The following ENTHD1 variants were observed in gnomAD, a reference collection of about 807,000 sequenced individuals.
ENTHD1 encodes the protein ENTH domain-containing protein 1.
In ENTHD1, 23 loss-of-function variants were observed where a neutral mutation model predicts 39.1. That is an observed-to-expected ratio of 0.59 (90% CI 0.42 to 0.83). The LOEUF is 0.83. Among genes scored for constraint, ENTHD1 ranks in the 40% least tolerant of loss-of-function variants. The pLI, the probability that ENTHD1 is intolerant of heterozygous loss-of-function variation, is 0.00. For missense variants in ENTHD1, 624 were observed against 705.4 expected (o/e 0.88, Z 1.31); for synonymous variants, 230 against 258.2 (o/e 0.89, Z 1.05).
rs35796089 is a variant in ENTHD1 at position 39,872,850 on chromosome 22, CT to C, written c.350-10844del. Among the ~76,000 whole-genome samples the C allele has an allele frequency of 7.8e-3, 1,097 of 139,846 alleles. 7 individuals are homozygous for C. Among genetic ancestry groups the C allele is most frequent in the African/African-American group, 0.015 (584 of 38,194 alleles). 91.7% of individuals were successfully genotyped at this position (139,846 alleles called of 152,430 possible). A position where few individuals can be genotyped will look rare whatever the true frequency, so the allele number is the denominator to read the frequency against. On this transcript the variant is annotated intron_variant, in intron 2 of 6. Transcript: ENST00000325157. ...ATGAATGCTACTTCTAGTAAAATCA[CT>C]TTTTTTTTTTTTTTTAGAGACAGGG...
chr22:39,888,260 C>CTTTTTTT (rs61092462), intron 1 of ENTHD1, among the ~76,000 whole-genome samples: 8 of 110,600 alleles, frequency 7.2e-5, no homozygotes, highest in African/African-American at 7.8e-5. Context: ...TTCTTTCTTT[C>CTTTTTTT]TTTTTTTTTT....
chr22:39,773,391 A>G (rs2065342884), intron 5 of ENTHD1, among the ~76,000 whole-genome samples: 1 of 152,182 alleles, frequency 6.6e-6, no homozygotes, highest in Non-Finnish European at 1.5e-5. Context: ...TGGACCATAA[A>G]CCAAGTCTCA....
intron 1 of ENTHD1, among the ~76,000 whole-genome samples, chr22:39,888,254 TTC>T (rs1394785990): frequency 7.1e-6 from 1 of 141,248 alleles, no homozygotes; most frequent in African/African-American, 2.8e-5. Flanking sequence ...CTTTCTTTCT[TTC>T]TTTCTTTTTT....
intron 6 of ENTHD1, among the ~76,000 whole-genome samples, chr22:39,754,363 C>T (rs1425903103): frequency 1.3e-5 from 2 of 152,232 alleles, no homozygotes; most frequent in African/African-American, 4.8e-5. Flanking sequence ...CCTCTGCACA[C>T]TAGGGTGGCA....
intron 2 of ENTHD1, among the ~76,000 whole-genome samples, chr22:39,876,514 TAAAA>T (rs137946): frequency 3.8e-5 from 4 of 105,790 alleles, no homozygotes; most frequent in African/African-American, 7.1e-5. Flanking sequence ...ACGGGTCATC[TAAAA>T]AAAAAAAAAA....
At chr22:39,820,494 A>G (rs955789936) in intron 5 of ENTHD1, among the ~76,000 whole-genome samples, 1 of 152,230 alleles carries the variant, frequency 6.6e-6, no homozygotes, top group African/African-American at 2.4e-5. Flanking sequence ...AGTCAGTCAG[A>G]TCCTCAAGGA....
At chr22:39,892,029 T>C (rs1331018949) in intron 1 of ENTHD1, among the ~76,000 whole-genome samples, 1 of 152,196 alleles carries the variant, frequency 6.6e-6, no homozygotes, top group Middle Eastern at 3.2e-3. Context: ...CTAGCTCTCA[T>C]AATTGTCAAG....
At chr22:39,805,152 G>A (rs2065630524) in intron 5 of ENTHD1, among the ~76,000 whole-genome samples, 1 of 152,156 alleles carries the variant, frequency 6.6e-6, no homozygotes, top group South Asian at 2.1e-4. Flanking sequence ...TTCTGTGAAT[G>A]AAATAGAGAA....
intron 5 of ENTHD1, among the ~76,000 whole-genome samples, chr22:39,819,142 G>A (rs1295791821): frequency 6.6e-6 from 1 of 152,130 alleles, no homozygotes; most frequent in African/African-American, 2.4e-5. Context: ...TGAGGTGGGT[G>A]GATCACAAGG....
intron 5 of ENTHD1, among the ~76,000 whole-genome samples, chr22:39,809,420 A>T (rs2065668680): frequency 6.6e-6 from 1 of 152,220 alleles, no homozygotes; most frequent in Non-Finnish European, 1.5e-5. Flanking sequence ...GAAGGTGTTG[A>T]TTTTGAATAA....
intron 4 of ENTHD1, among the ~76,000 whole-genome samples, chr22:39,835,029 T>C (rs574430957): frequency 4.9e-4 from 75 of 152,312 alleles, no homozygotes; most frequent in East Asian, 2.1e-3. Flanking sequence ...TATCTCTTCA[T>C]TGTGGCTCTG....
intron 3 of ENTHD1, among the ~76,000 whole-genome samples, chr22:39,838,737 T>C (rs1259210903): frequency 6.6e-6 from 1 of 152,172 alleles, no homozygotes; most frequent in Non-Finnish European, 1.5e-5. Context: ...TAAGTCAATC[T>C]AGAAGAAATA....
intron 4 of ENTHD1, among the ~76,000 whole-genome samples, chr22:39,823,589 C>T (rs781536635): frequency 1.4e-4 from 21 of 152,082 alleles, no homozygotes; most frequent in East Asian, 3.9e-4. Flanking sequence ...TGAGCTCAAA[C>T]GATCCACCCA....
chr22:39,804,633 C>T (rs569599535), intron 5 of ENTHD1, among the ~76,000 whole-genome samples: 4 of 152,064 alleles, frequency 2.6e-5, no homozygotes, highest in Admixed American at 6.5e-5. Context: ...TGCTGGGTAC[C>T]GTGTTAGGAA....
intron 6 of ENTHD1, among the ~76,000 whole-genome samples, chr22:39,764,881 C>A (rs1201479150): frequency 6.6e-6 from 1 of 151,956 alleles, no homozygotes. Context: ...AATTCTTTTT[C>A]ATATAATCTC....
intron 5 of ENTHD1, among the ~76,000 whole-genome samples, chr22:39,788,737 T>A (rs539345988): frequency 6.6e-6 from 1 of 151,932 alleles, no homozygotes; most frequent in Non-Finnish European, 1.5e-5. Flanking sequence ...AACTTCATCA[T>A]CTCATTTTTT....
intron 2 of ENTHD1, chr22:39,874,306 C>G (rs1168039304): frequency 6.6e-6 from 1 of 152,126 alleles, no homozygotes; most frequent in Non-Finnish European, 1.5e-5. Flanking sequence ...ATTTTTACCC[C>G]ATGTTCTCCT....
intron 5 of ENTHD1, among the ~76,000 whole-genome samples, chr22:39,792,951 A>C (rs2065516550): frequency 6.6e-6 from 1 of 152,268 alleles, no homozygotes; most frequent in African/African-American, 2.4e-5. Context: ...AAATACCCAG[A>C]AGAGGGTTTG....
At chr22:39,884,184 CT>C (rs1012547630) in intron 2 of ENTHD1, among the ~76,000 whole-genome samples, 49 of 149,438 alleles carry the variant, frequency 3.3e-4, no homozygotes, top group Non-Finnish European at 1.9e-4. Context: ...TAGCCATCTT[CT>C]TTTTTTTTTC....
Sources: allele counts gnomAD v4.1 joint callset (sites outside exome capture counted in the v4.1 genomes callset), GRCh38; gene constraint gnomAD v4.1.1; transcripts MANE v1.5; gene names NCBI Gene and HGNC (gene_info 2026-07-23, HGNC 2026-07-21).